Variants in GTF2E2 observed in about 807,000 individuals in gnomAD.
GTF2E2 encodes transcription initiation factor IIE subunit beta.
A neutral mutation model predicts 40.5 loss-of-function variants in GTF2E2; 21 were observed. The ratio of observed to expected loss-of-function variants is 0.52; its 90% confidence interval spans 0.37 to 0.75. The LOEUF (loss-of-function observed/expected upper bound fraction) is 0.75. Among genes scored for constraint, GTF2E2 ranks in the 30% least tolerant of loss-of-function variants. The pLI is 0.00. For synonymous variants in GTF2E2, 117 were observed against 121.6 expected (o/e 0.96, Z 0.25); for missense variants, 298 against 338.4 (o/e 0.88, Z 0.94).
intron 3 of GTF2E2, among the ~76,000 whole-genome samples, chr8:30,618,314 A>G (rs1268966690): frequency 6.6e-6 from 1 of 151,812 alleles, no homozygotes; most frequent in East Asian, 1.9e-4. Flanking sequence ...CGCTTTACTA[A>G]TAGTGAATAT....
At chr8:30,580,792 G>C (rs1828495535) in intron 6 of GTF2E2, among the ~76,000 whole-genome samples, 1 of 152,196 alleles carries the variant, frequency 6.6e-6, no homozygotes, top group Non-Finnish European at 1.5e-5. Context: ...AACGTGTAGG[G>C]AGACGGGAAC....
chr8:30,579,019 T>C lies in GTF2E2; in HGVS notation c.778A>G (p.Lys260Glu). 2.5e-6 allele frequency: 4 copies of C among 1,595,762 alleles called. No individual in the cohort carries two copies. Among genetic ancestry groups the C allele is most frequent in the Non-Finnish European group, 3.4e-6 (4 of 1,163,150 alleles). Residue 260 changes from lysine to glutamate, a missense_variant, in exon 8 of 8, where the codon AAA becomes GAA. Coordinates refer to ENST00000355904, the MANE Select transcript of GTF2E2 (RefSeq NM_002095.6). Reference protein sequence around the residue: ...PKKVAPIQRRKKPASQKKRRF... With the variant: ...PKKVAPIQRREKPASQKKRRF... Reference sequence around the variant, plus strand: ...CGCTTTTTCTGTGAAGCAGGCTTTTTCCTTCTCTGAATAGGGGCCTAAAGG... The same window carrying C: ...CGCTTTTTCTGTGAAGCAGGCTTTTCCCTTCTCTGAATAGGGGCCTAAAGG...
At chr8:30,604,029 T>C (rs894549533) in intron 6 of GTF2E2, among the ~76,000 whole-genome samples, 3 of 152,150 alleles carry the variant, frequency 2.0e-5, no homozygotes, top group Admixed American at 1.3e-4. Context: ...ATTAAGAATG[T>C]TGCCAAGAAA....
chr8:30,626,080 A>G (rs766043819), intron 3 of GTF2E2, among the ~76,000 whole-genome samples: 2 of 152,252 alleles, frequency 1.3e-5, no homozygotes, highest in Non-Finnish European at 2.9e-5. Context: ...CTCTACTGGT[A>G]TAACAGAAAA....
intron 2 of GTF2E2, among the ~76,000 whole-genome samples, chr8:30,650,482 G>A (rs1802235442): frequency 6.8e-6 from 1 of 147,642 alleles, no homozygotes; most frequent in Non-Finnish European, 1.5e-5. Context: ...TTGAAGCGGG[G>A]AGTTTGAGAC....
chr8:30,654,693 C>A (rs1385342329), intron 1 of GTF2E2, among the ~76,000 whole-genome samples: 3 of 152,226 alleles, frequency 2.0e-5, no homozygotes, highest in African/African-American at 7.2e-5. Context: ...ACATGAGCCA[C>A]TGCACCCAGC....
Position 30,578,990 on chromosome 8 carries a change from G to A in GTF2E2, c.807C>T (p.Arg269=). The part of the protein sequence containing the change: ...RKKPASQKKR[R]FKTHNEHLAG... ...CCAAGTGTTCGTTATGAGTCTTAAA[G>A]CGTCGCTTTTTCTGTGAAGCAGGCT... The change falls in exon 8 of 8, where the codon CGC becomes CGT. Residue 269 remains arginine (R), a synonymous_variant. Transcript: ENST00000355904. 6.2e-7 allele frequency: 1 copy of A among 1,611,456 alleles called. No homozygotes were observed. The highest frequency in any genetic ancestry group is 8.5e-7 in the Non-Finnish European group (1 of 1,177,542).
intron 3 of GTF2E2, among the ~76,000 whole-genome samples, chr8:30,624,193 G>A (rs1801199135): frequency 6.6e-6 from 1 of 152,082 alleles, no homozygotes; most frequent in Non-Finnish European, 1.5e-5. Flanking sequence ...TTTGTATACG[G>A]TGTAAGGAAG....
At chr8:30,581,816 A>G (rs1238661800) in intron 6 of GTF2E2, among the ~76,000 whole-genome samples, 1 of 151,940 alleles carries the variant, frequency 6.6e-6, no homozygotes, top group Non-Finnish European at 1.5e-5. Flanking sequence ...TAGTCGGCGT[A>G]TTTCCATCTC....
intron 3 of GTF2E2, among the ~76,000 whole-genome samples, chr8:30,630,557 T>C (rs1801409785): frequency 6.6e-6 from 1 of 152,190 alleles, no homozygotes; most frequent in South Asian, 2.1e-4. Context: ...TGTTTACAGA[T>C]ACCTTCCAAA....
At position 30,631,939 on chromosome 8, in the gene GTF2E2, C is replaced by G. The variant is rs939338471; in HGVS notation, c.258+3093G>C. Reference sequence around the variant, plus strand: ...GCTGGGCAACACTGAGAGACCCTGTCTCTACAAAAAAAATACAAAAATTAG... The same window carrying G: ...GCTGGGCAACACTGAGAGACCCTGTGTCTACAAAAAAAATACAAAAATTAG... On this transcript the variant is annotated intron_variant, in intron 3 of 7. Coordinates refer to ENST00000355904, the MANE Select transcript of GTF2E2 (RefSeq NM_002095.6). Among the ~76,000 whole-genome samples the G allele has an allele frequency of 1.2e-4, 18 of 152,166 alleles. No homozygotes were observed. The East Asian group carries it at 3.5e-3, about 29-fold the overall frequency.
At chr8:30,610,058 T>C (rs1452942047) in intron 5 of GTF2E2, among the ~76,000 whole-genome samples, 5 of 152,168 alleles carry the variant, frequency 3.3e-5, no homozygotes, top group Admixed American at 6.5e-5. Context: ...CTTTATAGCA[T>C]TGCAAGAATA....
chr8:30,595,454 A>G (rs991439725), intron 6 of GTF2E2, among the ~76,000 whole-genome samples: 5 of 152,186 alleles, frequency 3.3e-5, no homozygotes, highest in Non-Finnish European at 5.9e-5. Flanking sequence ...ACTTCCTTTA[A>G]TATTTCCAGT....
Position 30,625,479 on chromosome 8 carries a change from C to T in GTF2E2, c.258+9553G>A, listed in dbSNP as rs1429574356. ...TAAACATTTTCTAAATTTCTCACAC[C>T]AGGTGATGCTGGTGCTCACAGTAAC... is the stretch of plus-strand genomic sequence containing the variant. On this transcript the variant is annotated intron_variant, in intron 3 of 7. Coordinates refer to ENST00000355904, the MANE Select transcript of GTF2E2 (RefSeq NM_002095.6). Among the ~76,000 whole-genome samples, 3 of 152,080 alleles carry T rather than the reference C, an allele frequency of 2.0e-5. No homozygotes were observed. The East Asian group carries it at 5.8e-4, about 29-fold the overall frequency.
chr8:30,627,589 G>A (rs1400458600), intron 3 of GTF2E2, among the ~76,000 whole-genome samples: 4 of 152,126 alleles, frequency 2.6e-5, no homozygotes, highest in Non-Finnish European at 5.9e-5. Context: ...AGCACTTTGG[G>A]AGACCAACAC....
intron 4 of GTF2E2, among the ~76,000 whole-genome samples, chr8:30,613,187 C>T (rs944743548): frequency 4.6e-5 from 7 of 152,176 alleles, no homozygotes; most frequent in African/African-American, 1.7e-4. Context: ...CTGCAAAGTA[C>T]AGCTTATCAC....
intron 3 of GTF2E2, among the ~76,000 whole-genome samples, chr8:30,629,554 T>C (rs930939185): frequency 6.6e-6 from 1 of 151,930 alleles, no homozygotes; most frequent in Admixed American, 6.6e-5. Flanking sequence ...CCAGGCGTGG[T>C]GGCAGGCGCC....
intron 3 of GTF2E2, among the ~76,000 whole-genome samples, chr8:30,628,088 G>A (rs1246087204): frequency 1.3e-5 from 2 of 152,196 alleles, no homozygotes; most frequent in African/African-American, 2.4e-5. Context: ...AAGCATTCTC[G>A]AAAACCACCT....
Position 30,619,458 on chromosome 8 carries a change from G to A in GTF2E2, c.259-4743C>T, listed in dbSNP as rs571547410. Among the ~76,000 whole-genome samples the A allele has an allele frequency of 1.2e-4, 18 of 150,356 alleles. No homozygotes were observed. The East Asian group carries it at 2.4e-3, about 20-fold the overall frequency. ...CGCTGGAGTGCAATGGCATGATCTC[G>A]GCTCACCGCAACCGCCACCTCCCAG... is the stretch of plus-strand genomic sequence containing the variant. On this transcript the variant is annotated intron_variant, in intron 3 of 7. Coordinates refer to ENST00000355904, the MANE Select transcript of GTF2E2 (RefSeq NM_002095.6).
Sources: gnomAD v4.1 joint callset for allele counts (sites outside exome capture counted in the v4.1 genomes callset) on GRCh38, gnomAD v4.1.1 for gene constraint, MANE v1.5 for transcripts, NCBI Gene and HGNC (gene_info 2026-07-23, HGNC 2026-07-21) for gene names.